Variants in C6orf120 observed in about 807,000 individuals in gnomAD.
The protein encoded by C6orf120 is chromosome 6 open reading frame 120.
For missense variants in C6orf120, 311 were observed against 264.2 expected, an observed-to-expected ratio of 1.18 and a Z score of -1.23; for synonymous variants, 165 against 123.1, an observed-to-expected ratio of 1.34 and a Z score of -2.25.
chr6:169,705,514 T>C, downstream of C6orf120: 1 of 780,418 alleles, frequency 1.3e-6, no homozygotes, highest in Non-Finnish European at 2.3e-6. Flanking sequence ...GTGTATTTAA[T>C]TTGGTGACTC....
At chr6:169,703,887 C>T (rs776234974) in exon 1 of C6orf120, 91 of 725,894 alleles carry the variant, frequency 1.3e-4, no homozygotes, top group Middle Eastern at 3.1e-4. Context: ...GAAATAACTG[C>T]AGATTTTAAG....
exon 1 of C6orf120, chr6:169,702,376 C>A: frequency 1.2e-6 from 1 of 834,262 alleles, no homozygotes; most frequent in Non-Finnish European, 1.8e-6. Context: ...GTGCGGACGG[C>A]GGGGACAGGC....
At chr6:169,702,385 G>C in exon 1 of C6orf120, 2 of 910,586 alleles carry the variant, frequency 2.2e-6, no homozygotes, top group Non-Finnish European at 3.2e-6. Context: ...GCGGGGACAG[G>C]CTCCGGTGCT....
At position 169,704,057 on chromosome 6, in the gene C6orf120, G is replaced by A. The variant is rs1301511842; in HGVS notation, c.*1022G>A. On this transcript the variant is annotated 3_prime_UTR_variant, in exon 1 of 1. Coordinates refer to ENST00000332290, the Ensembl canonical transcript of C6orf120. ...TGCCCACTTTCCTGGGTGTTGGGGGGGCCCGCTGACAACAGTCACAAATCC... is the reference window on the plus strand; with the variant it reads ...TGCCCACTTTCCTGGGTGTTGGGGGAGCCCGCTGACAACAGTCACAAATCC... The A allele has an allele frequency of 3.2e-6, 5 of 1,581,404 alleles. No individual in the cohort carries two copies. The African/African-American group carries it at 4.1e-5, about 13-fold the overall frequency.
At chr6:169,706,096 A>T (rs1343748964), downstream of C6orf120, among the ~76,000 whole-genome samples, 10 of 152,190 alleles carry the variant, frequency 6.6e-5, no homozygotes, top group Non-Finnish European at 1.5e-4. Context: ...ACTTACTCTA[A>T]AAAGACCATT....
chr6:169,705,253 T>A, downstream of C6orf120: 1 of 1,613,344 alleles, frequency 6.2e-7, no homozygotes. Flanking sequence ...TTACATTCCA[T>A]ACACTGCCAT....
exon 1 of C6orf120, chr6:169,703,128 C>T (rs1158474306): frequency 1.5e-5 from 20 of 1,315,852 alleles, no homozygotes; most frequent in Non-Finnish European, 2.0e-5. Context: ...GGTTGAAGTT[C>T]TAGGTACCTT....
chr6:169,705,230 TATA>T (rs779545472), downstream of C6orf120: 21 of 1,613,392 alleles, frequency 1.3e-5, no homozygotes, highest in Non-Finnish European at 1.8e-5. Context: ...GTTGTCCACA[TATA>T]ATGCATGTTT....
exon 1 of C6orf120, chr6:169,702,506 T>C: frequency 6.2e-7 from 1 of 1,602,918 alleles, no homozygotes; most frequent in East Asian, 2.3e-5. Flanking sequence ...ACGGCCCTGC[T>C]GCTGCTCCTA....
chr6:169,702,976 T>C, exon 1 of C6orf120: 2 of 1,599,750 alleles, frequency 1.3e-6, no homozygotes, highest in South Asian at 2.2e-5. Flanking sequence ...AGAGGAGGAA[T>C]CTGTTCTCTG....
At chr6:169,704,907 C>T (rs182665528), downstream of C6orf120, 255 of 402,852 alleles carry the variant, frequency 6.3e-4, no homozygotes, top group South Asian at 3.2e-3. Flanking sequence ...TAGAACTATA[C>T]TTCCAAAACT....
exon 1 of C6orf120, chr6:169,702,765 C>A (rs768037494): frequency 1.9e-6 from 3 of 1,613,168 alleles, no homozygotes; most frequent in Non-Finnish European, 2.5e-6. Context: ...GCGGCCCGGA[C>A]GCCGTGTCCA....
chr6:169,705,012 T>G (rs1788728213), downstream of C6orf120: 1 of 626,570 alleles, frequency 1.6e-6, no homozygotes, highest in East Asian at 2.9e-5. Flanking sequence ...ACAGCTTTGG[T>G]CATATTTGCA....
exon 1 of C6orf120, chr6:169,702,198 T>C: frequency 1.5e-6 from 1 of 674,180 alleles, no homozygotes; most frequent in East Asian, 2.9e-5. Context: ...GGAGTGGTGG[T>C]GAGTCCGAGG....
chr6:169,705,615 C>G (rs747986925), downstream of C6orf120: 1 of 1,326,486 alleles, frequency 7.5e-7, no homozygotes, highest in Non-Finnish European at 1.1e-6. Flanking sequence ...TCAATACTTA[C>G]CACTATTCTC....
At chr6:169,702,185 C>T (rs1227173724), upstream of C6orf120, 2 of 663,996 alleles carry the variant, frequency 3.0e-6, no homozygotes, top group Non-Finnish European at 2.8e-6. Context: ...CGGCCCCCTG[C>T]GGGGAGTGGT....
At chr6:169,705,544 A>C, downstream of C6orf120, 1 of 914,946 alleles carries the variant, frequency 1.1e-6, no homozygotes, top group Non-Finnish European at 1.8e-6. Flanking sequence ...AATCTGCCTG[A>C]AACTATAAAT....
chr6:169,702,405 C>G (rs1454323266), exon 1 of C6orf120: 2 of 1,113,460 alleles, frequency 1.8e-6, no homozygotes, highest in South Asian at 1.5e-5. Context: ...TGAGCGCCTC[C>G]GGTGTCCCCA....
exon 1 of C6orf120, chr6:169,704,239 G>A: frequency 1.8e-6 from 1 of 559,544 alleles, no homozygotes; most frequent in Non-Finnish European, 3.1e-6. Context: ...TTAATTTAAG[G>A]AAAAAATGTA....
Sources: allele counts gnomAD v4.1 joint callset (sites outside exome capture counted in the v4.1 genomes callset), GRCh38; gene constraint gnomAD v4.1.1; transcripts MANE v1.5; gene names NCBI Gene and HGNC (gene_info 2026-07-23, HGNC 2026-07-21).